FOCAD: variants seen among roughly 807,000 people sequenced by gnomAD.
FOCAD encodes the protein KIAA1797.
FOCAD carries 198 observed loss-of-function variants against 225.6 expected under a neutral mutation model. That is an observed-to-expected ratio of 0.88 (90% CI 0.78 to 0.99). FOCAD has a LOEUF of 0.99. Ranked by LOEUF, FOCAD falls within the 50% of genes least tolerant of loss-of-function variation. FOCAD has a pLI of 0.00. For missense variants in FOCAD, 2,713 were observed against 2,123.6 expected (o/e 1.28, Z -5.46); for synonymous variants, 897 against 755.0 (o/e 1.19, Z -3.08).
chr9:20,920,891 C>A (rs1025756255), intron 24 of FOCAD, among the ~76,000 whole-genome samples: 1 of 150,934 alleles, frequency 6.6e-6, no homozygotes, highest in Non-Finnish European at 1.5e-5. Flanking sequence ...TGCAGCACAC[C>A]AGCATGGCAC....
At position 20,809,112 on chromosome 9, in the gene FOCAD, G is replaced by A. The variant is rs543849130; in HGVS notation, c.1456-10684G>A. On this transcript the variant is annotated intron_variant, in intron 11 of 43. Coordinates refer to ENST00000338382, the MANE Select transcript of FOCAD (RefSeq NM_001375567.1). ...CCACATTTATGCAGATCTAACTCAT[G>A]GTTTTTGGAGGCTGCCGGTGTTCAC... 2.6e-5 allele frequency among the ~76,000 whole-genome samples: 4 copies of A among 152,260 alleles called. No homozygotes were observed. The South Asian group carries it at 8.3e-4, about 32-fold the overall frequency.
intron 1 of FOCAD, among the ~76,000 whole-genome samples, chr9:20,690,935 C>T (rs1822936782): frequency 6.7e-6 from 1 of 149,176 alleles, no homozygotes; most frequent in African/African-American, 2.5e-5. Flanking sequence ...CAGCTAGTCA[C>T]TCTCTGCTTC....
chr9:20,733,456 T>C (rs1294504102), intron 4 of FOCAD, among the ~76,000 whole-genome samples: 1 of 152,144 alleles, frequency 6.6e-6, no homozygotes, highest in African/African-American at 2.4e-5. Context: ...GCTGCACCCA[T>C]TAACTCCTCT....
intron 10 of FOCAD, among the ~76,000 whole-genome samples, chr9:20,784,009 G>A (rs1440187238): frequency 1.3e-5 from 2 of 152,162 alleles, no homozygotes; most frequent in African/African-American, 4.8e-5. Flanking sequence ...CTACCTCTAA[G>A]CTAAGACCAA....
chr9:20,822,917 T>G (rs529612357), intron 14 of FOCAD, 72 bp from the exon 15 acceptor site: 258 of 1,425,806 alleles, frequency 1.8e-4, no homozygotes, highest in Non-Finnish European at 2.3e-4. Context: ...TGCTTTTTGT[T>G]TAGGCAAAAG....
intron 11 of FOCAD, among the ~76,000 whole-genome samples, chr9:20,796,131 A>G (rs1009060874): frequency 6.6e-6 from 1 of 152,152 alleles, no homozygotes; most frequent in Admixed American, 6.5e-5. Flanking sequence ...ATGTCCCTAC[A>G]AAGGACATGA....
At chr9:20,938,154 T>C (rs2132267276) in intron 28 of FOCAD, among the ~76,000 whole-genome samples, 1 of 152,334 alleles carries the variant, frequency 6.6e-6, no homozygotes, top group East Asian at 1.9e-4. Context: ...AGTTCAACCG[T>C]TGTGGAAGTC....
chr9:20,862,997 A>G, intron 16 of FOCAD: 1 of 221,172 alleles, frequency 4.5e-6, no homozygotes, highest in South Asian at 1.6e-4. Context: ...TCATAAAGCC[A>G]ACCATTAAAA....
chr9:20,940,474 A>C (rs368696419), intron 28 of FOCAD, among the ~76,000 whole-genome samples: 2 of 152,026 alleles, frequency 1.3e-5, no homozygotes, highest in African/African-American at 4.8e-5. Flanking sequence ...TTGTAGAGAC[A>C]GGGTCTTACT....
intron 1 of FOCAD, among the ~76,000 whole-genome samples, chr9:20,711,123 T>A (rs899693121): frequency 6.6e-5 from 10 of 152,210 alleles, no homozygotes; most frequent in African/African-American, 2.4e-4. Context: ...TATAAAGCAA[T>A]ATGATTACTG....
In FOCAD at chr9:20,811,621, A is replaced by G. The variant is rs74624370; in HGVS notation, c.1456-8175A>G. On this transcript the variant is annotated intron_variant, in intron 11 of 43. Coordinates refer to ENST00000338382, the MANE Select transcript of FOCAD (RefSeq NM_001375567.1). ...ATAATTTGAATCTTAGAAGAGTAAG[A>G]TTATACTGTTTACCTTTTTTTGTGA... 3.8e-3 allele frequency among the ~76,000 whole-genome samples: 571 copies of G among 152,160 alleles called. 24 individuals carry two copies. In the East Asian group the frequency reaches 0.095, roughly 25 times the overall value.
At chr9:20,970,311 C>A (rs1839653455) in intron 35 of FOCAD, among the ~76,000 whole-genome samples, 1 of 152,002 alleles carries the variant, frequency 6.6e-6, no homozygotes, top group African/African-American at 2.4e-5. Flanking sequence ...CTCTCCTATC[C>A]TTCTGAGATT....
intron 28 of FOCAD, among the ~76,000 whole-genome samples, chr9:20,941,241 G>A (rs1004404041): frequency 1.4e-4 from 22 of 152,130 alleles, no homozygotes; most frequent in African/African-American, 4.3e-4. Flanking sequence ...GCTGGTGTTC[G>A]TGAGCCTATC....
chr9:20,720,020 A>T (rs184505326), intron 3 of FOCAD, among the ~76,000 whole-genome samples: 2 of 152,074 alleles, frequency 1.3e-5, no homozygotes, highest in African/African-American at 4.8e-5. Flanking sequence ...TTGGAGTTCA[A>T]CTCAGGCTAG....
intron 9 of FOCAD, among the ~76,000 whole-genome samples, chr9:20,780,712 C>A (rs985222860): frequency 6.6e-6 from 1 of 151,800 alleles, no homozygotes; most frequent in African/African-American, 2.4e-5. Context: ...TATAAAAATG[C>A]CTGGAATATT....
chr9:20,754,786 C>G (rs1382085942), intron 5 of FOCAD, among the ~76,000 whole-genome samples: 1 of 152,012 alleles, frequency 6.6e-6, no homozygotes, highest in Non-Finnish European at 1.5e-5. Context: ...ATAGGACAAC[C>G]CACACAATAA....
At chr9:20,854,777 G>A (rs566800240) in intron 15 of FOCAD, among the ~76,000 whole-genome samples, 11 of 151,730 alleles carry the variant, frequency 7.2e-5, no homozygotes, top group African/African-American at 2.7e-4. Flanking sequence ...ATAAATATTC[G>A]TATGCTATAT....
intron 22 of FOCAD, among the ~76,000 whole-genome samples, chr9:20,912,116 A>C (rs949967564): frequency 2.0e-5 from 3 of 152,126 alleles, no homozygotes; most frequent in African/African-American, 7.2e-5. Context: ...ACTTCTGATA[A>C]TGGTTGGGCA....
chr9:20,926,043 G>A (rs865894137), intron 25 of FOCAD, among the ~76,000 whole-genome samples: 2 of 152,110 alleles, frequency 1.3e-5, no homozygotes, highest in African/African-American at 4.8e-5. Context: ...GGATAGTTCT[G>A]TTTTGCAGCA....
Sources: allele counts gnomAD v4.1 joint callset (sites outside exome capture counted in the v4.1 genomes callset), GRCh38; gene constraint gnomAD v4.1.1; transcripts MANE v1.5; gene names NCBI Gene and HGNC (gene_info 2026-07-23, HGNC 2026-07-21).